The following HS6ST3 variants were observed in gnomAD, a reference collection of about 807,000 sequenced individuals.
HS6ST3 encodes the protein heparan-sulfate 6-O-sulfotransferase 3.
HS6ST3 carries 12 observed loss-of-function variants against 36.7 expected under a neutral mutation model. That is an observed-to-expected ratio of 0.33 (90% CI 0.21 to 0.53). The LOEUF is 0.53. Ranked by LOEUF, HS6ST3 falls within the 20% of genes least tolerant of loss-of-function variation. The pLI is 0.95. For synonymous variants in HS6ST3, 240 were observed against 257.5 expected (o/e 0.93, Z 0.65); for missense variants, 584 against 640.9 (o/e 0.91, Z 0.96).
chr13:96,694,628 C>T (rs1465203366), intron 1 of HS6ST3, among the ~76,000 whole-genome samples: 1 of 152,064 alleles, frequency 6.6e-6, no homozygotes, highest in Non-Finnish European at 1.5e-5. Context: ...TGTTTTCCAC[C>T]ATGGTTGAAC....
At chr13:96,303,382 T>C (rs2054893286) in intron 1 of HS6ST3, among the ~76,000 whole-genome samples, 1 of 152,216 alleles carries the variant, frequency 6.6e-6, no homozygotes, top group Non-Finnish European at 1.5e-5. Flanking sequence ...GGCTACAAAA[T>C]GTTATTTTCA....
At chr13:96,179,965 G>A (rs2054231769) in intron 1 of HS6ST3, among the ~76,000 whole-genome samples, 1 of 152,076 alleles carries the variant, frequency 6.6e-6, no homozygotes, top group Non-Finnish European at 1.5e-5. Flanking sequence ...GAGTAACTGG[G>A]ACTACAGCTG....
intron 1 of HS6ST3, among the ~76,000 whole-genome samples, chr13:96,780,833 T>C (rs1463110972): frequency 6.6e-6 from 1 of 152,036 alleles, no homozygotes; most frequent in Non-Finnish European, 1.5e-5. Flanking sequence ...ATGGACAAGC[T>C]GGTCTGGCAG....
intron 1 of HS6ST3, among the ~76,000 whole-genome samples, chr13:96,506,433 T>C (rs1458024504): frequency 6.6e-6 from 1 of 152,194 alleles, no homozygotes; most frequent in African/African-American, 2.4e-5. Context: ...ATTTTCACCA[T>C]GTACTATATA....
chr13:96,383,538 A>T (rs1201910380), intron 1 of HS6ST3, among the ~76,000 whole-genome samples: 1 of 152,188 alleles, frequency 6.6e-6, no homozygotes, highest in East Asian at 1.9e-4. Flanking sequence ...AGTTTCTGGA[A>T]CAATGAACCA....
At chr13:96,616,625 T>C (rs1270164201) in intron 1 of HS6ST3, among the ~76,000 whole-genome samples, 1 of 152,178 alleles carries the variant, frequency 6.6e-6, no homozygotes, top group African/African-American at 2.4e-5. Flanking sequence ...CATGAGAACA[T>C]TGGATCTCTG....
At chr13:96,779,375 T>A (rs1181290932) in intron 1 of HS6ST3, among the ~76,000 whole-genome samples, 2 of 150,624 alleles carry the variant, frequency 1.3e-5, no homozygotes, top group African/African-American at 2.4e-5. Flanking sequence ...GGAACCAGAA[T>A]TTTTTCCATA....
intron 1 of HS6ST3, among the ~76,000 whole-genome samples, chr13:96,475,502 G>A (rs566856850): frequency 2.6e-4 from 40 of 151,088 alleles, no homozygotes; most frequent in Middle Eastern, 6.8e-3. Context: ...CCCTGGAAAC[G>A]TCTGCATGTC....
In HS6ST3 at chr13:96,091,476, G is replaced by A. The variant is rs199763203; in HGVS notation, c.614G>A (p.Ser205Asn). ...TTCTCCCGCTTCTCCACCGGCTGGA[G>A]CTGCGGGCTGCACGCCGACTGGACG... ...WLFSRFSTGW[S>N]CGLHADWTEL... The change falls in exon 1 of 2, where the codon AGC becomes AAC. Residue 205 changes from serine (S) to asparagine (N), a missense_variant. Ser to Asn is a conservative substitution (Grantham distance 46). Coordinates refer to ENST00000376705, the MANE Select transcript of HS6ST3 (RefSeq NM_153456.4). The A allele has an allele frequency of 1.9e-5, 31 of 1,606,130 alleles. No homozygotes were observed. The East Asian group carries it at 3.4e-4, about 17-fold the overall frequency.
intron 1 of HS6ST3, among the ~76,000 whole-genome samples, chr13:96,160,916 C>T (rs1013747242): frequency 2.0e-5 from 3 of 152,142 alleles, no homozygotes; most frequent in Non-Finnish European, 2.9e-5. Context: ...GAGGCTGGTA[C>T]AGGCTCAAAA....
intron 1 of HS6ST3, among the ~76,000 whole-genome samples, chr13:96,156,099 T>A (rs1370997756): frequency 2.0e-5 from 3 of 152,208 alleles, no homozygotes; most frequent in African/African-American, 7.2e-5. Context: ...AGTTTTACTA[T>A]GTAGTTGGGA....
At chr13:96,773,558 T>C (rs1168698628) in intron 1 of HS6ST3, among the ~76,000 whole-genome samples, 2 of 152,182 alleles carry the variant, frequency 1.3e-5, no homozygotes, top group African/African-American at 2.4e-5. Context: ...ACAAGGCCAC[T>C]GGAAAGTTCC....
chr13:96,384,081 G>A (rs2055355390), intron 1 of HS6ST3, among the ~76,000 whole-genome samples: 1 of 152,110 alleles, frequency 6.6e-6, no homozygotes, highest in Admixed American at 6.5e-5. Context: ...AGAGGCAGAA[G>A]CAAACCAGGA....
intron 1 of HS6ST3, among the ~76,000 whole-genome samples, chr13:96,716,453 A>C (rs1046913147): frequency 6.6e-5 from 10 of 152,190 alleles, no homozygotes; most frequent in African/African-American, 2.2e-4. Context: ...CTCTAGGAAT[A>C]ACCAGGAGAG....
intron 1 of HS6ST3, among the ~76,000 whole-genome samples, chr13:96,303,088 C>G (rs1162842446): frequency 6.6e-6 from 1 of 152,078 alleles, no homozygotes; most frequent in Non-Finnish European, 1.5e-5. Context: ...TTACAGAAAA[C>G]GTTTTTTGAC....
intron 1 of HS6ST3, among the ~76,000 whole-genome samples, chr13:96,392,705 A>G (rs2055401984): frequency 6.6e-6 from 1 of 152,196 alleles, no homozygotes; most frequent in African/African-American, 2.4e-5. Context: ...AGAAGTGAAA[A>G]TAATTGGCAT....
At chr13:96,274,335 A>G (rs147897353) in intron 1 of HS6ST3, among the ~76,000 whole-genome samples, 39 of 151,838 alleles carry the variant, frequency 2.6e-4, no homozygotes, top group Non-Finnish European at 4.1e-4. Context: ...CTTTTAACCA[A>G]CCAGCTGAGG....
intron 1 of HS6ST3, among the ~76,000 whole-genome samples, chr13:96,277,066 A>G (rs1292742747): frequency 1.3e-5 from 2 of 152,234 alleles, no homozygotes; most frequent in Admixed American, 1.3e-4. Flanking sequence ...GCACAGGCCC[A>G]GTCCTGCTTC....
At chr13:96,664,369 T>A (rs2056656377) in intron 1 of HS6ST3, among the ~76,000 whole-genome samples, 1 of 152,198 alleles carries the variant, frequency 6.6e-6, no homozygotes, top group Non-Finnish European at 1.5e-5. Context: ...CTGTAATTTT[T>A]ATATTGAGTT....
Sources: allele counts gnomAD v4.1 joint callset (sites outside exome capture counted in the v4.1 genomes callset), GRCh38; gene constraint gnomAD v4.1.1; transcripts MANE v1.5; gene names NCBI Gene and HGNC (gene_info 2026-07-23, HGNC 2026-07-21).